The following CFAP46 variants were observed in gnomAD, a reference collection of about 807,000 sequenced individuals.
CFAP46 encodes the protein cilia and flagella associated protein 46.
A neutral mutation model predicts 325.7 loss-of-function variants in CFAP46; 245 were observed. That is an observed-to-expected ratio of 0.75 (90% CI 0.68 to 0.84). CFAP46 has a LOEUF of 0.84. CFAP46 is among the 40% of genes least tolerant of loss of function. The pLI, the probability that CFAP46 is intolerant of heterozygous loss-of-function variation, is 0.00. For missense variants in CFAP46, 3,346 were observed against 3,543.0 expected (o/e 0.94, Z 1.41); for synonymous variants, 1,523 against 1,495.9 (o/e 1.02, Z -0.42).
rs752554437 is a variant in CFAP46, at chr10:132,880,952, C to A, written c.3708G>T (p.Glu1236Asp). 1.5e-5 allele frequency: 23 copies of A among 1,550,414 alleles called. No homozygotes were observed. In the African/African-American group the frequency reaches 3.0e-4, roughly 20 times the overall value. ...CCCAGCGGAGGTGGAAGACCACGTCCTCGAGAGGAAAGTGTCTGTGATGGA... is the reference window on the plus strand; with the variant it reads ...CCCAGCGGAGGTGGAAGACCACGTCATCGAGAGGAAAGTGTCTGTGATGGA... ...QWLHHRHFPL[E>D]DVVFHLRWAV... Residue 1236 changes from glutamate to aspartate, a missense_variant, in exon 28 of 58, where the codon GAG becomes GAT. By Grantham distance (45) the Glu-to-Asp change is conservative. Transcript: ENST00000368586.
At chr10:132,921,742 G>A (rs952780733) in intron 13 of CFAP46, among the ~76,000 whole-genome samples, 3 of 152,186 alleles carry the variant, frequency 2.0e-5, no homozygotes, top group Admixed American at 2.0e-4. Context: ...GCCCTGTGAG[G>A]ATGCGGGGAG....
Position 132,814,870 on chromosome 10 carries a change from T to C in CFAP46, c.7162A>G (p.Arg2388Gly). The C allele has an allele frequency of 6.2e-7, 1 of 1,614,212 alleles. No individual in the cohort carries two copies. The highest frequency in any genetic ancestry group is 8.5e-7 in the Non-Finnish European group (1 of 1,180,026). Residue 2388 changes from arginine (R) to glycine (G), a missense_variant, in exon 51 of 58, where the codon AGA becomes GGA. Physicochemically the swap from Arg to Gly is moderately radical, Grantham distance 125. Coordinates refer to ENST00000368586, the MANE Select transcript of CFAP46 (RefSeq NM_001200049.3). ...KEGRSRDPKKRSLAKKGRKGS... is the reference protein window; with the variant it reads ...KEGRSRDPKKGSLAKKGRKGS... The stretch of plus-strand genomic sequence containing the variant: ...TTCCTGCCCTTCTTCGCTAGGCTTC[T>C]CTTTTTGGGGTCTCTGCTTCTTCCC...
intron 39 of CFAP46, among the ~76,000 whole-genome samples, chr10:132,856,439 C>G (rs148974142): frequency 6.6e-6 from 1 of 152,222 alleles, no homozygotes; most frequent in Admixed American, 6.5e-5. Flanking sequence ...ACTTTCTCCT[C>G]TTCTCCCAGG....
At chr10:132,836,048 C>G in intron 46 of CFAP46, 94 bp downstream of exon 46, 1 of 471,970 alleles carries the variant, frequency 2.1e-6, no homozygotes, top group Non-Finnish European at 3.3e-6. Flanking sequence ...CACCTCTCAC[C>G]TCCCCCTCCC....
At chr10:132,843,530 G>T (rs1415673733) in intron 44 of CFAP46, among the ~76,000 whole-genome samples, 1 of 149,318 alleles carries the variant, frequency 6.7e-6, no homozygotes, top group African/African-American at 2.5e-5. Flanking sequence ...TTCCCAGGGT[G>T]CTGTAAGGCT....
At position 132,885,251 on chromosome 10, in the gene CFAP46, T is replaced by C. The variant is rs1849105304; in HGVS notation, c.3479A>G (p.Lys1160Arg). 2 of 1,550,046 alleles carry C rather than the reference T, an allele frequency of 1.3e-6. No individual in the cohort carries two copies. The highest frequency in any genetic ancestry group is 1.7e-6 in the Non-Finnish European group (2 of 1,146,664). Residue 1160 changes from lysine (K) to arginine (R), a missense_variant, in exon 27 of 58, where the codon AAG (lysine) becomes AGG (arginine). Coordinates refer to ENST00000368586, the MANE Select transcript of CFAP46 (RefSeq NM_001200049.3). ...IFKHMVIVKAKLGQNFSMEIQ... is the reference protein window; with the variant it reads ...IFKHMVIVKARLGQNFSMEIQ... ...TTCCATCGAAAAATTCTGCCCGAGC[T>C]TGGCCTTCACGATGACCATGTGCTT...
chr10:132,882,263 T>TG (rs1849058798), intron 27 of CFAP46, among the ~76,000 whole-genome samples: 2 of 148,778 alleles, frequency 1.3e-5, no homozygotes, highest in Admixed American at 1.3e-4. Flanking sequence ...GAGTTGTGTG[T>TG]GGGGGTATTG....
chr10:132,850,301 C>A lies in CFAP46; in HGVS notation c.5895G>T (p.Leu1965=), dbSNP rs571163442. 4 of 1,551,158 alleles carry A rather than the reference C, an allele frequency of 2.6e-6. No individual in the cohort carries two copies. In the South Asian group the frequency reaches 3.6e-5, roughly 14 times the overall value. ...GCACAGGGTCAGCTTGCATGGCCAG[C>A]AGGTGCAGGGCCCTCCCGGCCAGGC... The part of the protein sequence containing the change: ...LLGLAGRALH[L]LAMQADPVHP... Residue 1965 remains leucine, a synonymous_variant, in exon 41 of 58, where the codon CTG becomes CTT. Coordinates refer to ENST00000368586, the MANE Select transcript of CFAP46 (RefSeq NM_001200049.3).
chr10:132,830,124 TTTTTC>T (rs1185934294), intron 50 of CFAP46, among the ~76,000 whole-genome samples: 3 of 151,808 alleles, frequency 2.0e-5, no homozygotes, highest in Non-Finnish European at 2.9e-5. Flanking sequence ...GTATAGATGT[TTTTTC>T]TTTTCTTTTT....
chr10:132,910,129 G>C, intron 19 of CFAP46, 61 bp from the exon 20 acceptor site: 1 of 1,318,048 alleles, frequency 7.6e-7, no homozygotes, highest in Non-Finnish European at 9.7e-7. Flanking sequence ...CTTGAGCCAA[G>C]ATCCGAACCA....
intron 50 of CFAP46, among the ~76,000 whole-genome samples, chr10:132,823,165 T>G (rs1847924306): frequency 9.8e-6 from 1 of 101,934 alleles, no homozygotes; most frequent in Non-Finnish European, 2.0e-5. Context: ...GTGTGAGTGA[T>G]GTGTGCTGTC....
intron 29 of CFAP46, among the ~76,000 whole-genome samples, chr10:132,879,092 G>C (rs1407351373): frequency 6.6e-6 from 1 of 152,216 alleles, no homozygotes; most frequent in Non-Finnish European, 1.5e-5. Flanking sequence ...TTTGGGTGGT[G>C]GTCTGCAAGG....
intron 25 of CFAP46, among the ~76,000 whole-genome samples, chr10:132,890,161 C>T (rs1849234758): frequency 6.6e-6 from 1 of 152,172 alleles, no homozygotes; most frequent in African/African-American, 2.4e-5. Context: ...CCCCCCTCCA[C>T]AGCCTCCTCT....
At chr10:132,881,343 G>T (rs548343292) in intron 27 of CFAP46, among the ~76,000 whole-genome samples, 259 of 152,216 alleles carry the variant, frequency 1.7e-3, no homozygotes, top group African/African-American at 5.3e-3. Flanking sequence ...TCCCTGCACC[G>T]CAAGAGGACA....
At chr10:132,887,236 CCCT>C (rs1282666984) in intron 25 of CFAP46, among the ~76,000 whole-genome samples, 4 of 106,600 alleles carry the variant, frequency 3.8e-5, no homozygotes, top group African/African-American at 1.1e-4. Flanking sequence ...CTCTCCTCTC[CCCT>C]CTTCTCTCTC....
intron 35 of CFAP46, among the ~76,000 whole-genome samples, chr10:132,865,574 G>A (rs992180778): frequency 6.6e-6 from 1 of 152,192 alleles, no homozygotes; most frequent in Non-Finnish European, 1.5e-5. Context: ...TCCAGGGAGT[G>A]AGAGCAAAAC....
At chr10:132,902,278 A>G (rs73393278) in intron 22 of CFAP46, among the ~76,000 whole-genome samples, 49 of 142,244 alleles carry the variant, frequency 3.4e-4, no homozygotes, top group African/African-American at 9.8e-4. Context: ...TCACAGACGG[A>G]AAGCTCTGTG....
rs1848253204 is a variant in CFAP46, at chr10:132,836,643, C to CTTGGGGGT, written c.6536+173_6536+174insACCCCCAA. ...TGTGGCGTCTCTGGACGGCCCCCCC[C>CTTGGGGGT]CCTTGGGGTACCCGGTGTCTGTCCG... On this transcript the variant is annotated intron_variant, in intron 45 of 57. Transcript: ENST00000368586. 1.3e-5 allele frequency among the ~76,000 whole-genome samples: 2 copies of CTTGGGGGT among 152,236 alleles called. 1 individual carries two copies. The highest frequency in any genetic ancestry group is 4.1e-4 in the South Asian group (2 of 4,834).
intron 24 of CFAP46, among the ~76,000 whole-genome samples, chr10:132,896,030 CGGTG>C (rs1849314412): frequency 2.3e-5 from 1 of 42,920 alleles, no homozygotes; most frequent in Non-Finnish European, 3.9e-5. Context: ...CATGAAGACA[CGGTG>C]AGAAGGCAGC....
Sources: gnomAD v4.1 joint callset for allele counts (sites outside exome capture counted in the v4.1 genomes callset) on GRCh38, gnomAD v4.1.1 for gene constraint, MANE v1.5 for transcripts, NCBI Gene and HGNC (gene_info 2026-07-23, HGNC 2026-07-21) for gene names.